Variants in RAPGEF5 observed in about 807,000 individuals in gnomAD.
RAPGEF5 encodes the protein M-Ras-regulated GEF.
Under a neutral mutation model 125.2 loss-of-function variants are expected in RAPGEF5, and 65 were observed. The observed-to-expected ratio is 0.52, with a 90% CI of 0.43 to 0.64. The LOEUF is 0.64. RAPGEF5 is among the 30% of genes least tolerant of loss of function. RAPGEF5 has a pLI of 0.00. For synonymous variants in RAPGEF5, 391 were observed against 385.9 expected (o/e 1.01, Z -0.16); for missense variants, 958 against 1,048.1 (o/e 0.91, Z 1.19).
chr7:22,243,770 T>C (rs1786401479), intron 7 of RAPGEF5, among the ~76,000 whole-genome samples: 1 of 152,220 alleles, frequency 6.6e-6, no homozygotes, highest in Admixed American at 6.5e-5. Context: ...CTTATCATTT[T>C]TTTACAGTGA....
At chr7:22,190,872 C>T (rs1784972748) in intron 11 of RAPGEF5, among the ~76,000 whole-genome samples, 1 of 152,192 alleles carries the variant, frequency 6.6e-6, no homozygotes, top group Non-Finnish European at 1.5e-5. Context: ...GGACCCTCTC[C>T]TCCTCACTGC....
intron 9 of RAPGEF5, among the ~76,000 whole-genome samples, chr7:22,210,995 A>C (rs1002012726): frequency 2.0e-5 from 3 of 152,180 alleles, no homozygotes; most frequent in Non-Finnish European, 4.4e-5. Context: ...GCAAACAAGA[A>C]CTTGGTCATG....
intron 4 of RAPGEF5, among the ~76,000 whole-genome samples, chr7:22,309,677 A>G (rs1783424502): frequency 6.6e-6 from 1 of 152,212 alleles, no homozygotes; most frequent in South Asian, 2.1e-4. Context: ...ACTGATTTTG[A>G]AAAAAGTTTG....
At chr7:22,306,977 A>G (rs1783356867) in intron 5 of RAPGEF5, among the ~76,000 whole-genome samples, 1 of 152,158 alleles carries the variant, frequency 6.6e-6, no homozygotes, top group Admixed American at 6.5e-5. Flanking sequence ...ATTTGAAGTC[A>G]GGTAATGTGA....
At chr7:22,286,380 G>C (rs1782796866) in intron 6 of RAPGEF5, among the ~76,000 whole-genome samples, 1 of 152,124 alleles carries the variant, frequency 6.6e-6, no homozygotes, top group South Asian at 2.1e-4. Context: ...CATCACCTCA[G>C]GTGTTTGACA....
rs370409034 is a variant in RAPGEF5, at chr7:22,267,027, G to C, written c.748-15C>G. ...TCTCTCTGCACCTAATAAAATATTA[G>C]GGGGGAAAATCAAATTAGAAGAAGA... On this transcript the variant is annotated splice_polypyrimidine_tract_variant and intron_variant, in intron 6 of 25. Coordinates refer to ENST00000665637, the MANE Select transcript of RAPGEF5 (RefSeq NM_012294.5). The C allele has an allele frequency of 2.5e-5, 40 of 1,599,178 alleles. 1 individual carries two copies. The African/African-American group carries it at 4.2e-4, about 17-fold the overall frequency.
chr7:22,165,102 A>C (rs1391143693), intron 12 of RAPGEF5, among the ~76,000 whole-genome samples: 1 of 152,196 alleles, frequency 6.6e-6, no homozygotes, highest in East Asian at 1.9e-4. Context: ...ATCATAAAGA[A>C]AGACTTCTGG....
At chr7:22,283,600 G>A (rs896396713) in intron 6 of RAPGEF5, among the ~76,000 whole-genome samples, 8 of 152,124 alleles carry the variant, frequency 5.3e-5, no homozygotes, top group Admixed American at 3.3e-4. Flanking sequence ...AAGCTCCGTC[G>A]GCTTCTTTCA....
intron 6 of RAPGEF5, among the ~76,000 whole-genome samples, chr7:22,274,508 T>G (rs1782511906): frequency 6.6e-6 from 1 of 152,054 alleles, no homozygotes; most frequent in African/African-American, 2.4e-5. Context: ...TTTTTAATTA[T>G]TTTTAGAGAT....
chr7:22,342,585 C>G (rs1057006962), intron 1 of RAPGEF5, among the ~76,000 whole-genome samples: 6 of 152,208 alleles, frequency 3.9e-5, no homozygotes, highest in Non-Finnish European at 5.9e-5. Flanking sequence ...ACTTATAAAA[C>G]TGAATGCCTT....
At chr7:22,256,221 T>C (rs1786756903) in intron 7 of RAPGEF5, among the ~76,000 whole-genome samples, 1 of 152,198 alleles carries the variant, frequency 6.6e-6, no homozygotes, top group Admixed American at 6.5e-5. Context: ...CTTTTGGGGC[T>C]ATCAGGACAA....
chr7:22,297,670 A>G (rs1013187322), intron 5 of RAPGEF5, among the ~76,000 whole-genome samples: 1 of 152,260 alleles, frequency 6.6e-6, no homozygotes, highest in Non-Finnish European at 1.5e-5. Context: ...GAGAGGAAGT[A>G]TTAATCCTGT....
In RAPGEF5 at chr7:22,119,531, T is replaced by C. The variant is rs1283703713; in HGVS notation, c.*2875A>G. 1 of 152,024 alleles carries C rather than the reference T, an allele frequency of 6.6e-6. No individual in the cohort carries two copies. The highest frequency in any genetic ancestry group is 1.5e-5 in the Non-Finnish European group (1 of 68,008). The allele number at this position is 152,024 out of a possible 1,614,324, so 9.4% of individuals were successfully genotyped here. On this transcript the variant is annotated 3_prime_UTR_variant, in exon 26 of 26. Coordinates refer to ENST00000665637, the MANE Select transcript of RAPGEF5 (RefSeq NM_012294.5). The surrounding 1 kb of genome is among the most constrained non-coding windows in gnomAD (Gnocchi z 4.1). The stretch of plus-strand genomic sequence containing the variant: ...AACAAAATTTTTTTTAATAGCAAGG[T>C]TGTGATTTTGCCTACGGGGTCCTGC...
intron 22 of RAPGEF5, 110 bp downstream of exon 22, chr7:22,136,823 C>T: frequency 1.0e-6 from 1 of 953,462 alleles, no homozygotes; most frequent in Non-Finnish European, 1.6e-6. Flanking sequence ...GTAAACTAGT[C>T]TAGGCTACCT....
intron 6 of RAPGEF5, among the ~76,000 whole-genome samples, chr7:22,273,374 G>A (rs1431519039): frequency 3.3e-5 from 5 of 151,624 alleles, no homozygotes; most frequent in Admixed American, 1.3e-4. Flanking sequence ...GCCCACCACC[G>A]CGCCCGGCTA....
intron 7 of RAPGEF5, among the ~76,000 whole-genome samples, chr7:22,239,980 G>C (rs546030973): frequency 6.6e-6 from 1 of 151,828 alleles, no homozygotes; most frequent in Non-Finnish European, 1.5e-5. Context: ...AGGCCGAGGC[G>C]GGCGGATCAC....
intron 7 of RAPGEF5, among the ~76,000 whole-genome samples, chr7:22,244,800 A>G (rs1232662722): frequency 6.6e-6 from 1 of 152,158 alleles, no homozygotes; most frequent in African/African-American, 2.4e-5. Context: ...GAGAGTGCAG[A>G]TATCTCTTCA....
chr7:22,251,740 C>T (rs77323807), intron 7 of RAPGEF5, among the ~76,000 whole-genome samples: 6,156 of 107,226 alleles, frequency 0.057, 166 homozygotes, highest in Middle Eastern at 0.11. Context: ...ATTTCATTTT[C>T]ATGAAAGTTG....
intron 9 of RAPGEF5, chr7:22,194,824 G>C: frequency 1.1e-6 from 1 of 944,996 alleles, no homozygotes; most frequent in Non-Finnish European, 1.3e-6. Flanking sequence ...CCGCTGACGT[G>C]GCTCTGTCAC....
Sources: gnomAD v4.1 joint callset for allele counts (sites outside exome capture counted in the v4.1 genomes callset) on GRCh38, gnomAD v4.1.1 for gene constraint, Gnocchi (gnomAD v3.1) non-coding constraint, MANE v1.5 for transcripts, NCBI Gene and HGNC (gene_info 2026-07-23, HGNC 2026-07-21) for gene names.